Variants in WDR72 observed in about 807,000 individuals in gnomAD.
The protein encoded by WDR72 is WD repeat domain 72.
A neutral mutation model predicts 124.2 loss-of-function variants in WDR72; 120 were observed. That is an observed-to-expected ratio of 0.97 (90% confidence interval 0.83 to 1.12). The LOEUF is 1.12. Among genes scored for constraint, WDR72 ranks in the 50% most tolerant of loss-of-function variants. The pLI is 0.00. For synonymous variants in WDR72, 452 were observed against 441.7 expected (o/e 1.02, Z -0.29); for missense variants, 1,387 against 1,278.8 (o/e 1.08, Z -1.29).
Position 53,716,685 on chromosome 15 carries a change from C to T in WDR72, c.261G>A (p.Gly87=), listed in dbSNP as rs757060519. Residue 87 remains glycine (G), a splice_region_variant and synonymous_variant, in exon 4 of 20, where the codon GGG becomes GGA. Coordinates refer to ENST00000360509, the MANE Select transcript of WDR72 (RefSeq NM_182758.4). ...TGGTGACATTCCAAACACACATCTC[C>T]CTAGCAGAAGATAACTTTGTGTTAT... The part of the protein sequence containing the change: ...QPYIVSAAEN[G]EMCVWNVTNG... The T allele has an allele frequency of 1.9e-6, 3 of 1,573,846 alleles. No individual in the cohort carries two copies. The highest frequency in any genetic ancestry group is 2.6e-6 in the Non-Finnish European group (3 of 1,154,192).
At chr15:53,669,195 G>A (rs1260327287) in intron 13 of WDR72, among the ~76,000 whole-genome samples, 1 of 152,000 alleles carries the variant, frequency 6.6e-6, no homozygotes, top group African/African-American at 2.4e-5. Flanking sequence ...CACTTTCTTT[G>A]GCATACTCTT....
intron 14 of WDR72, among the ~76,000 whole-genome samples, chr15:53,636,285 T>C (rs939132291): frequency 6.6e-6 from 1 of 152,270 alleles, no homozygotes; most frequent in African/African-American, 2.4e-5. Flanking sequence ...AACCTAAGAT[T>C]TGAGGTTTCC....
At chr15:53,609,631 TA>T in intron 16 of WDR72, 39 bp from the exon 17 acceptor site, 1 of 1,530,678 alleles carries the variant, frequency 6.5e-7, no homozygotes, top group Non-Finnish European at 9.1e-7. Flanking sequence ...TTTAGAGTAT[TA>T]AAAATGGATA....
chr15:53,659,546 T>G (rs755411698), intron 14 of WDR72, among the ~76,000 whole-genome samples: 50 of 152,164 alleles, frequency 3.3e-4, no homozygotes, highest in Non-Finnish European at 6.2e-4. Context: ...ATTTTCTACT[T>G]TTCATAGTCA....
At chr15:53,671,178 C>T (rs1420247776) in intron 13 of WDR72, among the ~76,000 whole-genome samples, 1 of 152,092 alleles carries the variant, frequency 6.6e-6, no homozygotes, top group African/African-American at 2.4e-5. Context: ...ACTCCCTGAC[C>T]AAGAAGTCAT....
At chr15:53,747,324 C>T (rs1004059021) in intron 1 of WDR72, among the ~76,000 whole-genome samples, 1 of 152,130 alleles carries the variant, frequency 6.6e-6, no homozygotes, top group Admixed American at 6.5e-5. Flanking sequence ...TCTGTCTGGT[C>T]AACCCACTGG....
intron 18 of WDR72, among the ~76,000 whole-genome samples, chr15:53,572,255 G>T (rs117433064): frequency 6.6e-6 from 1 of 152,116 alleles, no homozygotes; most frequent in Non-Finnish European, 1.5e-5. Flanking sequence ...TTTTTTGACT[G>T]TGCTTTTGGG....
At chr15:53,637,246 T>TA (rs1345742725) in intron 14 of WDR72, among the ~76,000 whole-genome samples, 1 of 152,286 alleles carries the variant, frequency 6.6e-6, no homozygotes, top group African/African-American at 2.4e-5. Flanking sequence ...TGAAGAGAAA[T>TA]AAAAATGTAT....
At chr15:53,530,781 G>A (rs1595733737) in intron 18 of WDR72, among the ~76,000 whole-genome samples, 1 of 152,120 alleles carries the variant, frequency 6.6e-6, no homozygotes, top group East Asian at 1.9e-4. Flanking sequence ...TCACATCACA[G>A]GGCAATTTAA....
chr15:53,715,301 C>T lies in WDR72; in HGVS notation c.406G>A (p.Val136Ile), dbSNP rs779630821. 5 of 1,613,980 alleles carry T rather than the reference C, an allele frequency of 3.1e-6. No homozygotes were observed. The Admixed American group carries it at 5.0e-5, about 16-fold the overall frequency. ...WLLCCGEYQD[V>I]LIIDAKTLAV... is the part of the protein sequence containing the mutation. ...AAAGTTTTGGCATCAATTATAAGGACATCTTGATATTCTCCACAACAAAGA... is the reference window on the plus strand; with the variant it reads ...AAAGTTTTGGCATCAATTATAAGGATATCTTGATATTCTCCACAACAAAGA... Residue 136 changes from valine to isoleucine, a missense_variant, in exon 5 of 20, where the codon GTC (valine) becomes ATC (isoleucine). Coordinates refer to ENST00000360509, the MANE Select transcript of WDR72 (RefSeq NM_182758.4).
At chr15:53,564,270 A>G (rs1894223025) in intron 18 of WDR72, among the ~76,000 whole-genome samples, 2 of 151,846 alleles carry the variant, frequency 1.3e-5, no homozygotes, top group African/African-American at 4.8e-5. Context: ...TATATGAGGA[A>G]TAGTTATATA....
intron 2 of WDR72, among the ~76,000 whole-genome samples, chr15:53,731,307 C>A (rs1194996943): frequency 6.6e-6 from 1 of 152,034 alleles, no homozygotes; most frequent in East Asian, 1.9e-4. Context: ...TTCCTCCAAG[C>A]ACAGGCAGTC....
chr15:53,718,353 T>C (rs2017772561), intron 3 of WDR72, among the ~76,000 whole-genome samples: 1 of 152,168 alleles, frequency 6.6e-6, no homozygotes, highest in South Asian at 2.1e-4. Context: ...ATCAGGCCAA[T>C]TAATTCACAT....
chr15:53,702,279 G>T lies in WDR72; in HGVS notation c.1424C>A (p.Ser475Ter), dbSNP rs201559909. 1.2e-6 allele frequency: 2 copies of T among 1,613,936 alleles called. No individual in the cohort carries two copies. The highest frequency in any genetic ancestry group is 1.3e-5 in the African/African-American group (1 of 74,916). ...CAACATCCAACTTTGGTCTAATTTC[G>T]AAGAGAGACCATGTGGATAGAGTAA... ...TSLLYPHGLS[S>*]KLDQSWMLSG... The change falls in exon 12 of 20, where the codon TCG becomes TAG. Residue 475 changes from serine to a stop codon, truncating the protein, a stop_gained. Transcript: ENST00000360509. LOFTEE classifies it high-confidence loss of function.
intron 13 of WDR72, among the ~76,000 whole-genome samples, chr15:53,689,706 C>A (rs1434875637): frequency 6.6e-6 from 1 of 151,438 alleles, no homozygotes; most frequent in Non-Finnish European, 1.5e-5. Context: ...CCCAGCCATC[C>A]CATTACTGGG....
chr15:53,624,182 C>A (rs192058702), intron 14 of WDR72, among the ~76,000 whole-genome samples: 2 of 152,150 alleles, frequency 1.3e-5, no homozygotes, highest in African/African-American at 4.8e-5. Flanking sequence ...TTCAGAATGG[C>A]TGAAAGGTAG....
chr15:53,523,159 A>G, intron 19 of WDR72, 59 bp downstream of exon 19: 1 of 1,522,680 alleles, frequency 6.6e-7, no homozygotes, highest in East Asian at 2.3e-5. Context: ...CCTTCCAAGG[A>G]CCCCAAAGCT....
chr15:53,525,326 A>G (rs762592374), intron 18 of WDR72, among the ~76,000 whole-genome samples: 4 of 152,026 alleles, frequency 2.6e-5, no homozygotes, highest in Non-Finnish European at 5.9e-5. Context: ...GTATTTATAA[A>G]AGGAAATAAA....
At chr15:53,650,256 A>G (rs1389253191) in intron 14 of WDR72, among the ~76,000 whole-genome samples, 1 of 152,184 alleles carries the variant, frequency 6.6e-6, no homozygotes. Context: ...AGAATCGAAG[A>G]GTGGAATTGT....
Sources: gnomAD v4.1 joint callset for allele counts (sites outside exome capture counted in the v4.1 genomes callset) on GRCh38, gnomAD v4.1.1 for gene constraint, MANE v1.5 for transcripts, NCBI Gene and HGNC (gene_info 2026-07-23, HGNC 2026-07-21) for gene names.